ZFHX2: variants seen among roughly 807,000 people sequenced by gnomAD.
ZFHX2 encodes the protein zinc finger homeobox 2.
Under a neutral mutation model 164.8 loss-of-function variants are expected in ZFHX2, and 75 were observed. The ratio of observed to expected loss-of-function variants is 0.46; its 90% CI spans 0.38 to 0.55. The LOEUF (loss-of-function observed/expected upper bound fraction) is 0.55. Ranked by LOEUF, ZFHX2 falls within the 20% of genes least tolerant of loss-of-function variation. ZFHX2 has a pLI of 0.00. For synonymous variants in ZFHX2, 1,217 were observed against 1,351.4 expected (o/e 0.90, Z 2.18); for missense variants, 2,933 against 3,308.0 (o/e 0.89, Z 2.78).
chr14:23,524,485 C>T lies in ZFHX2; in HGVS notation c.5457G>A (p.Val1819=). ...LLVFGERNPL[V]AATSPMPGPP... ...GACCTGGCATTGGTGAGGTGGCTGC[C>T]ACCAGGGGGTTTCTCTCCCCAAACA... is the stretch of plus-strand genomic sequence containing the variant. Residue 1819 remains valine (V), a synonymous_variant, in exon 9 of 10, where the codon GTG becomes GTA. Transcript: ENST00000419474. This position sits in a 1 kb window ranked among gnomAD's most constrained non-coding sequence, Gnocchi z 5.6. 6.5e-7 allele frequency: 1 copy of T among 1,530,550 alleles called. No individual in the cohort carries two copies. Among genetic ancestry groups the T allele is most frequent in the Non-Finnish European group, 8.7e-7 (1 of 1,143,696 alleles). The allele number at this position is 1,530,550 out of a possible 1,614,324, so 94.8% of individuals were successfully genotyped here. A position where few individuals can be genotyped will look rare whatever the true frequency, so the allele number is the denominator to read the frequency against.
chr14:23,527,968 G>A (rs1007601179), intron 6 of ZFHX2, among the ~76,000 whole-genome samples, 164 bp from the exon 7 acceptor site: 9 of 146,056 alleles, frequency 6.2e-5, no homozygotes, highest in Non-Finnish European at 1.2e-4. Context: ...GTGCAGTGAC[G>A]TGATCTCGGC....
upstream of ZFHX2, among the ~76,000 whole-genome samples, chr14:23,554,486 G>T (rs1280207778): frequency 6.6e-6 from 1 of 151,776 alleles, no homozygotes. Flanking sequence ...AAGCTATCCC[G>T]CTGCCTCAAC....
In ZFHX2 at chr14:23,525,317, T is replaced by A. The variant is rs1273439722; in HGVS notation, c.4625A>T (p.Asp1542Val). ...TGGGCCCAGATGGGGAACAGGTGAA[T>A]CCAGAGACCCATCAGGAGGTTTGGG... ...EPPKPPDGSLDSPVPHLGPPF... is the reference protein window; with the variant it reads ...EPPKPPDGSLVSPVPHLGPPF... The change falls in exon 9 of 10, where the codon GAT becomes GTT. Residue 1542 changes from aspartate (D) to valine (V), a missense_variant. Asp to Val is a radical substitution (Grantham distance 152, BLOSUM62 -3). Coordinates refer to ENST00000419474, the MANE Select transcript of ZFHX2 (RefSeq NM_033400.3). The surrounding 1 kb of genome is among the most constrained non-coding windows in gnomAD (Gnocchi z 5.9). The A allele has an allele frequency of 6.5e-7, 1 of 1,536,002 alleles. No individual in the cohort carries two copies. Among genetic ancestry groups the A allele is most frequent in the East Asian group, 2.4e-5 (1 of 40,902 alleles).
chr14:23,526,386 C>G lies in ZFHX2; in HGVS notation c.3556G>C (p.Asp1186His). 6.5e-7 allele frequency: 1 copy of G among 1,536,252 alleles called. No individual in the cohort carries two copies. The highest frequency in any genetic ancestry group is 1.2e-5 in the South Asian group (1 of 84,036). Residue 1186 changes from aspartate (D) to histidine (H), a missense_variant, in exon 9 of 10, where the codon GAC becomes CAC. Asp to His is a moderately conservative substitution (Grantham distance 81, BLOSUM62 -1). Transcript: ENST00000419474. ...TTNFALDKFL[D>H]PARPYKCTVC... ...GTGCACTTATAGGGCCGGGCAGGGTCGAGAAACTTGTCCAGGGCAAAGTTG... is the reference window on the plus strand; with the variant it reads ...GTGCACTTATAGGGCCGGGCAGGGTGGAGAAACTTGTCCAGGGCAAAGTTG...
Position 23,524,376 on chromosome 14 carries a change from T to TG in ZFHX2, c.5565dup (p.Arg1856GlnfsTer12). The TG allele has an allele frequency of 6.5e-7, 1 of 1,536,210 alleles. No individual in the cohort carries two copies. Among genetic ancestry groups the TG allele is most frequent in the South Asian group, 1.2e-5 (1 of 84,066 alleles). On this transcript the variant is annotated frameshift_variant, in exon 9 of 10. Transcript: ENST00000419474. LOFTEE classifies it high-confidence loss of function. The surrounding 1 kb of genome is among the most constrained non-coding windows in gnomAD (Gnocchi z 5.6). ...ATGGTGGTGCGCAGGCGCTTGTCCC[T>TG]GGGGGGCTCGCCCTCCCCTCCTCCC...
At position 23,524,102 on chromosome 14, in the gene ZFHX2, A is replaced by G. The variant is rs1400044785; in HGVS notation, c.5840T>C (p.Leu1947Ser). The G allele has an allele frequency of 1.3e-6, 2 of 1,534,110 alleles. No individual in the cohort carries two copies. Among genetic ancestry groups the G allele is most frequent in the Non-Finnish European group, 8.7e-7 (1 of 1,145,866 alleles). ...CCCAGTGCCATCATCTACCTTGCCT[A>G]ATAAGAGGTTGAACTTGGGCAAGGA... ...PASLPKFNLL[L>S]GKVDDGTGRE... Residue 1947 changes from leucine to serine, a missense_variant, in exon 9 of 10, where the codon TTA becomes TCA. Physicochemically the swap from Leu to Ser is moderately radical, Grantham distance 145 (BLOSUM62 -2). Coordinates refer to ENST00000419474, the MANE Select transcript of ZFHX2 (RefSeq NM_033400.3). The surrounding 1 kb of genome is among the most constrained non-coding windows in gnomAD (Gnocchi z 5.6).
upstream of ZFHX2, among the ~76,000 whole-genome samples, chr14:23,552,185 G>A (rs1391531017): frequency 1.3e-5 from 2 of 151,984 alleles, no homozygotes; most frequent in Non-Finnish European, 2.9e-5. Context: ...TAGTCTCTGA[G>A]AGCTTCTGCC....
rs768360902 is a variant in ZFHX2 at position 23,534,364 on chromosome 14, G to C, written c.962C>G (p.Thr321Arg). ...TTCTGCCTCAGGGGGGCCATCCTCT[G>C]TCTGGGCCACATTCGCCTCCATGTT... ...TVNMEANVAQTEDGPPEAEVQ... is the reference protein window; with the variant it reads ...TVNMEANVAQREDGPPEAEVQ... The change falls in exon 2 of 10, where the codon ACA (threonine) becomes AGA (arginine). Residue 321 changes from threonine (T) to arginine (R), a missense_variant. Thr to Arg is a moderately conservative substitution (Grantham distance 71, BLOSUM62 -1). Coordinates refer to ENST00000419474, the MANE Select transcript of ZFHX2 (RefSeq NM_033400.3). This position sits in a 1 kb window ranked among gnomAD's most constrained non-coding sequence, Gnocchi z 4.5. 1 of 1,536,694 alleles carries C rather than the reference G, an allele frequency of 6.5e-7. No homozygotes were observed. Among genetic ancestry groups the C allele is most frequent in the African/African-American group, 1.4e-5 (1 of 73,048 alleles).
At position 23,534,911 on chromosome 14, in the gene ZFHX2, G is replaced by A. The variant is rs182152663; in HGVS notation, c.415C>T (p.Pro139Ser). The change falls in exon 2 of 10, where the codon CCA (proline) becomes TCA (serine). Residue 139 changes from proline to serine, a missense_variant. Physicochemically the swap from Pro to Ser is moderately conservative, Grantham distance 74. Coordinates refer to ENST00000419474, the MANE Select transcript of ZFHX2 (RefSeq NM_033400.3). This position sits in a 1 kb window ranked among gnomAD's most constrained non-coding sequence, Gnocchi z 4.5. Reference sequence around the variant, plus strand: ...GCCTCACCCCAGGGGAAGCCCTTTGGTAACAGGAGTTCACTGCCACCTGGC... The same window carrying A: ...GCCTCACCCCAGGGGAAGCCCTTTGATAACAGGAGTTCACTGCCACCTGGC... Reference protein sequence around the residue: ...SLPGGSELLLPKGFPWGEAGI... With the variant: ...SLPGGSELLLSKGFPWGEAGI... 2.6e-6 allele frequency: 4 copies of A among 1,536,002 alleles called. No individual in the cohort carries two copies. Among genetic ancestry groups the A allele is most frequent in the Admixed American group, 2.0e-5 (1 of 50,984 alleles).
intron 1 of ZFHX2, chr14:23,543,062 T>G (rs1052719488): frequency 2.0e-5 from 3 of 152,200 alleles, no homozygotes; most frequent in Non-Finnish European, 2.9e-5. Flanking sequence ...TGTAAATAAG[T>G]CTTTCTGGTT....
At chr14:23,547,591 C>T (rs1213902850) in intron 1 of ZFHX2, among the ~76,000 whole-genome samples, 5 of 152,124 alleles carry the variant, frequency 3.3e-5, no homozygotes, top group Non-Finnish European at 4.4e-5. Flanking sequence ...TGAGAGTTCC[C>T]CTGGCTGCCT....
upstream of ZFHX2, among the ~76,000 whole-genome samples, chr14:23,555,110 C>G (rs1156988482): frequency 6.6e-6 from 1 of 152,182 alleles, no homozygotes; most frequent in Non-Finnish European, 1.5e-5. Context: ...GCCTCAGCCT[C>G]TGGAGTAGCT....
At chr14:23,542,703 C>G (rs878888088) in intron 1 of ZFHX2, among the ~76,000 whole-genome samples, 1 of 151,932 alleles carries the variant, frequency 6.6e-6, no homozygotes, top group East Asian at 1.9e-4. Flanking sequence ...CATGGGGGAC[C>G]GCTGAAGAAT....
chr14:23,534,603 C>G lies in ZFHX2; in HGVS notation c.723G>C (p.Leu241=). The G allele has an allele frequency of 1.3e-6, 2 of 1,536,162 alleles. No homozygotes were observed. Among genetic ancestry groups the G allele is most frequent in the South Asian group, 1.2e-5 (1 of 84,060 alleles). Residue 241 remains leucine, a synonymous_variant, in exon 2 of 10, where the codon CTG becomes CTC. Coordinates refer to ENST00000419474, the MANE Select transcript of ZFHX2 (RefSeq NM_033400.3). This position sits in a 1 kb window ranked among gnomAD's most constrained non-coding sequence, Gnocchi z 4.5. ...GGGGCTTGCTGAAACCCAGGCGGCA[C>G]AGAAGGCAGAGCCAGAAGACCGCCA... is the stretch of plus-strand genomic sequence containing the variant. The part of the protein sequence containing the change: ...NHVAVFWLCL[L]CRLGFSKPQA...
At chr14:23,541,877 A>C (rs1174773980) in intron 1 of ZFHX2, among the ~76,000 whole-genome samples, 1 of 152,212 alleles carries the variant, frequency 6.6e-6, no homozygotes, top group African/African-American at 2.4e-5. Context: ...CAGTACTTTG[A>C]TTCTTCCCTT....
chr14:23,535,382 G>C lies in ZFHX2; in HGVS notation c.-49-8C>G. 7.0e-7 allele frequency: 1 copy of C among 1,432,288 alleles called. No individual in the cohort carries two copies. The highest frequency in any genetic ancestry group is 9.1e-7 in the Non-Finnish European group (1 of 1,095,876). 88.7% of individuals were successfully genotyped at this position (1,432,288 alleles called of 1,614,324 possible). A position where few individuals can be genotyped will look rare whatever the true frequency, so the allele number is the denominator to read the frequency against. On this transcript the variant is annotated splice_region_variant and splice_polypyrimidine_tract_variant and intron_variant, in intron 1 of 9. Transcript: ENST00000419474. This position sits in a 1 kb window ranked among gnomAD's most constrained non-coding sequence, Gnocchi z 4.5. Reference sequence around the variant, plus strand: ...AGCGTGACAGCCAGTACCCTGTAGGGAGACAAGGAGAGAGCAGTGCTGTGA... The same window carrying C: ...AGCGTGACAGCCAGTACCCTGTAGGCAGACAAGGAGAGAGCAGTGCTGTGA...
Position 23,523,947 on chromosome 14 carries a change from G to A in ZFHX2, c.5995C>T (p.Leu1999=), listed in dbSNP as rs1566571800. The change falls in exon 9 of 10, where the codon CTA becomes TTA. Residue 1999 remains leucine, a synonymous_variant. Transcript: ENST00000419474. The surrounding 1 kb of genome is among the most constrained non-coding windows in gnomAD (Gnocchi z 4.1). ...TPTPEPPLPL[L]PPPPPSEEEG... Reference sequence around the variant, plus strand: ...TCCTCACTGGGTGGAGGGGGAGGTAGGAGAGGTAGAGGTGGCTCTGGTGTT... The same window carrying A: ...TCCTCACTGGGTGGAGGGGGAGGTAAGAGAGGTAGAGGTGGCTCTGGTGTT... 1.3e-6 allele frequency: 2 copies of A among 1,535,990 alleles called. No individual in the cohort carries two copies. The highest frequency in any genetic ancestry group is 1.7e-6 in the Non-Finnish European group (2 of 1,146,746).
rs1232008234 is a variant in ZFHX2 at position 23,525,003 on chromosome 14, G to A, written c.4939C>T (p.Arg1647Cys). Residue 1647 changes from arginine to cysteine, a missense_variant, in exon 9 of 10, where the codon CGC (arginine) becomes TGC (cysteine). Physicochemically the swap from Arg to Cys is radical, Grantham distance 180. Transcript: ENST00000419474. This position sits in a 1 kb window ranked among gnomAD's most constrained non-coding sequence, Gnocchi z 5.9. ...CAGGCATTTTTGCGTGCTTTCTGGC[G>A]GGCATTCTGGAACCACACCACCACC... ...RVVVVWFQNA[R>C]QKARKNACEG... 3.3e-6 allele frequency: 5 copies of A among 1,536,034 alleles called. No homozygotes were observed. The highest frequency in any genetic ancestry group is 1.4e-5 in the African/African-American group (1 of 73,000).
Position 23,527,734 on chromosome 14 carries a change from T to C in ZFHX2, c.3005A>G (p.Gln1002Arg). The change falls in exon 7 of 10, where the codon CAG becomes CGG. Residue 1002 changes from glutamine (Q) to arginine (R), a missense_variant. Coordinates refer to ENST00000419474, the MANE Select transcript of ZFHX2 (RefSeq NM_033400.3). ...TCTGTACTTGGGCTGCACTGCATGCTGGGAGAGTGTATGAGCCCTCACCTG... is the reference window on the plus strand; with the variant it reads ...TCTGTACTTGGGCTGCACTGCATGCCGGGAGAGTGTATGAGCCCTCACCTG... ...SSQVRAHTLS[Q>R]HAVQPKYRCP... 6.5e-7 allele frequency: 1 copy of C among 1,536,142 alleles called. No individual in the cohort carries two copies.
Sources: gnomAD v4.1 joint callset for allele counts (sites outside exome capture counted in the v4.1 genomes callset) on GRCh38, gnomAD v4.1.1 for gene constraint, Gnocchi (gnomAD v3.1) non-coding constraint, MANE v1.5 for transcripts, NCBI Gene and HGNC (gene_info 2026-07-23, HGNC 2026-07-21) for gene names.